Variants in ZNF469 observed in about 807,000 individuals in gnomAD.
ZNF469 encodes zinc finger protein 469.
Under a neutral mutation model 1.0 loss-of-function variants are expected in ZNF469, and 1 was observed. The observed-to-expected ratio is 1.00, with a 90% CI of 0.35 to 4.73. ZNF469 has a LOEUF of 4.73. Ranked by LOEUF, ZNF469 falls within the 30% of genes most tolerant of loss-of-function variation. The probability of loss-of-function intolerance (pLI) is 0.16; values close to 1 mark genes in which losing one functional copy is unlikely to be tolerated. For missense variants in ZNF469, 6,100 were observed against 5,356.3 expected, an observed-to-expected ratio of 1.14 and a Z score of -4.33; for synonymous variants, 2,703 against 2,363.4, an observed-to-expected ratio of 1.14 and a Z score of -4.17.
intron 1 of ZNF469, among the ~76,000 whole-genome samples, chr16:88,389,828 C>G (rs2142263925): frequency 6.6e-6 from 1 of 152,290 alleles, no homozygotes; most frequent in South Asian, 2.1e-4. Flanking sequence ...CCCCAGGAGG[C>G]TCCCCCGCTG....
chr16:88,389,368 G>T (rs1386619950), intron 1 of ZNF469, among the ~76,000 whole-genome samples: 1 of 152,246 alleles, frequency 6.6e-6, no homozygotes, highest in African/African-American at 2.4e-5. Context: ...GCGCTGTTCT[G>T]CCCCGTGGAC....
At chr16:88,350,492 G>A in the ZNF469 span, among the ~76,000 whole-genome samples, 403 of 152,366 alleles carry the variant, frequency 2.6e-3, 1 homozygote, top group African/African-American at 9.1e-3. Context: ...CAGGCAGGTC[G>A]CCTCCCTCTC....
At chr16:88,408,685 A>G (rs1440287922) in intron 1 of ZNF469, among the ~76,000 whole-genome samples, 8 of 152,158 alleles carry the variant, frequency 5.3e-5, no homozygotes. Flanking sequence ...TCTCCCTTCC[A>G]GGCTTACTGC....
chr16:88,142,046 G>A, the ZNF469 span, among the ~76,000 whole-genome samples: 10 of 152,230 alleles, frequency 6.6e-5, no homozygotes, highest in Admixed American at 2.6e-4. Context: ...AGCTGAGCTC[G>A]AGATGCCTGA....
At chr16:88,138,887 T>A in the ZNF469 span, among the ~76,000 whole-genome samples, 1 of 152,182 alleles carries the variant, frequency 6.6e-6, no homozygotes, top group Admixed American at 6.5e-5. Flanking sequence ...GAAAAAGAAA[T>A]AAGCAGCGTA....
the ZNF469 span, among the ~76,000 whole-genome samples, chr16:88,331,383 CCATCACCATCACTACCATCGT>C: frequency 6.8e-6 from 1 of 147,974 alleles, no homozygotes; most frequent in African/African-American, 2.5e-5. Context: ...CATCATATCA[CCATCACCATCACTACCATCGT>C]CATCACCATC....
the ZNF469 span, among the ~76,000 whole-genome samples, chr16:88,354,333 G>A: frequency 6.6e-6 from 1 of 152,208 alleles, no homozygotes; most frequent in Non-Finnish European, 1.5e-5. Flanking sequence ...CGGGGTAGGA[G>A]GGCTTCTGGC....
In ZNF469 at chr16:88,432,038, T is replaced by C; in HGVS notation, c.4568T>C (p.Val1523Ala). 6.4e-7 allele frequency: 1 copy of C among 1,550,460 alleles called. No individual in the cohort carries two copies. The highest frequency in any genetic ancestry group is 8.7e-7 in the Non-Finnish European group (1 of 1,146,964). ...TTTCCTGATCTCTCGGGGGGAAAGGTGCTCAGTAAGACGTGTCCCCCTGAA... is the reference window on the plus strand; with the variant it reads ...TTTCCTGATCTCTCGGGGGGAAAGGCGCTCAGTAAGACGTGTCCCCCTGAA... ...SHFPDLSGGK[V>A]LSKTCPPERT... The change falls in exon 3 of 3, where the codon GTG (valine) becomes GCG (alanine). Residue 1523 changes from valine (V) to alanine (A), a missense_variant. Transcript: ENST00000565624.
At chr16:88,393,339 C>T (rs1567499096) in intron 1 of ZNF469, among the ~76,000 whole-genome samples, 1 of 152,252 alleles carries the variant, frequency 6.6e-6, no homozygotes, top group African/African-American at 2.4e-5. Context: ...GCGCTCAGGG[C>T]CTGCCTGGAG....
the ZNF469 span, among the ~76,000 whole-genome samples, chr16:88,120,418 G>A: frequency 1.3e-5 from 2 of 152,260 alleles, no homozygotes; most frequent in Admixed American, 1.3e-4. Context: ...CCGGCGGGAC[G>A]CATTAGCCAG....
chr16:88,414,782 A>G (rs1905262161), intron 1 of ZNF469, among the ~76,000 whole-genome samples: 1 of 152,244 alleles, frequency 6.6e-6, no homozygotes, highest in Admixed American at 6.5e-5. Flanking sequence ...ACCCCTCACC[A>G]GGCCACTGTG....
At chr16:88,205,958 G>GA in the ZNF469 span, among the ~76,000 whole-genome samples, 4 of 152,108 alleles carry the variant, frequency 2.6e-5, no homozygotes, top group Non-Finnish European at 5.9e-5. This position sits in a 1 kb window ranked among gnomAD's most constrained non-coding sequence, Gnocchi z 4.2. Flanking sequence ...TCAGAGGAAG[G>GA]GGGGGGCCCA....
At chr16:88,340,840 C>T in the ZNF469 span, among the ~76,000 whole-genome samples, 1 of 152,098 alleles carries the variant, frequency 6.6e-6, no homozygotes, top group African/African-American at 2.4e-5. Context: ...TCAGGCAGAG[C>T]CACCCTGAGG....
At chr16:88,230,756 C>T in the ZNF469 span, among the ~76,000 whole-genome samples, 1 of 152,182 alleles carries the variant, frequency 6.6e-6, no homozygotes, top group African/African-American at 2.4e-5. Context: ...GAACATGGAA[C>T]GTACCAAGGA....
Position 88,437,234 on chromosome 16 carries a change from C to G in ZNF469, c.9764C>G (p.Pro3255Arg). Reference protein sequence around the residue: ...AGKAAGSPGDPWGQEGEAKKD... With the variant: ...AGKAAGSPGDRWGQEGEAKKD... ...AAGGCCGCCGGGAGCCCGGGAGACC[C>G]GTGGGGGCAAGAGGGAGAAGCCAAG... Residue 3255 changes from proline to arginine, a missense_variant, in exon 3 of 3, where the codon CCG (proline) becomes CGG (arginine). By Grantham distance (103) the Pro-to-Arg change is moderately radical (BLOSUM62 -2). Coordinates refer to ENST00000565624, the MANE Select transcript of ZNF469 (RefSeq NM_001367624.2). The G allele has an allele frequency of 6.5e-7, 1 of 1,549,196 alleles. No homozygotes were observed.
chr16:88,168,132 G>C, the ZNF469 span, among the ~76,000 whole-genome samples: 1 of 152,200 alleles, frequency 6.6e-6, no homozygotes, highest in Non-Finnish European at 1.5e-5. The surrounding 1 kb of genome is among the most constrained non-coding windows in gnomAD (Gnocchi z 4.3). Context: ...CACCGGGGTA[G>C]CCTTTCAAAT....
At chr16:88,292,164 GA>G in the ZNF469 span, among the ~76,000 whole-genome samples, 3 of 152,210 alleles carry the variant, frequency 2.0e-5, no homozygotes, top group African/African-American at 7.2e-5. Context: ...GGGGGAGCCA[GA>G]AGGGGCCCTG....
In ZNF469 at chr16:88,428,159, G is replaced by C; in HGVS notation, c.689G>C (p.Ser230Thr). The change falls in exon 3 of 3, where the codon AGT becomes ACT. Residue 230 changes from serine to threonine, a missense_variant. Ser to Thr is a moderately conservative substitution (Grantham distance 58). Transcript: ENST00000565624. ...QPGSYPEYQASGADSWPPAAE... is the reference protein window; with the variant it reads ...QPGSYPEYQATGADSWPPAAE... Reference sequence around the variant, plus strand: ...GGTTCCTATCCCGAATACCAGGCCAGTGGGGCCGACTCCTGGCCTCCCGCT... The same window carrying C: ...GGTTCCTATCCCGAATACCAGGCCACTGGGGCCGACTCCTGGCCTCCCGCT... 1 of 1,550,202 alleles carries C rather than the reference G, an allele frequency of 6.5e-7. No individual in the cohort carries two copies. The highest frequency in any genetic ancestry group is 1.4e-5 in the African/African-American group (1 of 73,166).
the ZNF469 span, among the ~76,000 whole-genome samples, chr16:88,123,954 C>G: frequency 6.6e-6 from 1 of 152,222 alleles, no homozygotes; most frequent in South Asian, 2.1e-4. Context: ...CAGGCATGTG[C>G]CACCACGCCC....
Sources: gnomAD v4.1 joint callset for allele counts (sites outside exome capture counted in the v4.1 genomes callset) on GRCh38, gnomAD v4.1.1 for gene constraint, Gnocchi (gnomAD v3.1) non-coding constraint, MANE v1.5 for transcripts, NCBI Gene and HGNC (gene_info 2026-07-23, HGNC 2026-07-21) for gene names.